The following IL17REL variants were observed in gnomAD, a reference collection of about 807,000 sequenced individuals.
IL17REL encodes interleukin-17 receptor E-like protein.
IL17REL carries 36 observed loss-of-function variants against 49.0 expected under a neutral mutation model. The observed-to-expected ratio is 0.73, with a 90% CI of 0.56 to 0.97. The LOEUF is 0.97. IL17REL is among the 50% of genes least tolerant of loss of function. The probability of loss-of-function intolerance (pLI) is 0.00; values close to 1 mark genes in which losing one functional copy is unlikely to be tolerated. For missense variants in IL17REL, 470 were observed against 453.9 expected (o/e 1.04, Z -0.32); for synonymous variants, 206 against 192.4 (o/e 1.07, Z -0.58).
chr22:50,001,196 CG>C, exon 2 of IL17REL: 2 of 1,574,304 alleles, frequency 1.3e-6, no homozygotes, highest in Non-Finnish European at 1.7e-6. Flanking sequence ...GACATGGACA[CG>C]GGGCGTGGCC....
intron 1 of IL17REL, among the ~76,000 whole-genome samples, chr22:50,006,563 G>T (rs2061111572): frequency 6.6e-6 from 1 of 152,124 alleles, no homozygotes; most frequent in South Asian, 2.1e-4. Context: ...CAGGCAGCAG[G>T]AAAGGCTGTG....
chr22:49,999,824 T>C lies in IL17REL; in HGVS notation c.474+4A>G, dbSNP rs2061066731. On this transcript the variant is annotated splice_donor_region_variant and intron_variant, in intron 5 of 12. Transcript: ENST00000341280. ...TGACCGGGGCCCGGGGCGCGGGCGC[T>C]CACTCGCACAGGGGCGCCGGCGTCC... The C allele has an allele frequency of 6.7e-7, 1 of 1,498,766 alleles. No homozygotes were observed. The highest frequency in any genetic ancestry group is 8.9e-7 in the Non-Finnish European group (1 of 1,123,392). The allele number at this position is 1,498,766 out of a possible 1,614,324, so 92.8% of individuals were successfully genotyped here.
chr22:49,998,100 C>G (rs773275735), intron 8 of IL17REL, 31 bp from the exon 11 acceptor site: 28 of 1,590,766 alleles, frequency 1.8e-5, no homozygotes, highest in Non-Finnish European at 2.3e-5. Flanking sequence ...GCTGTGGCAT[C>G]CATGCCCACC....
chr22:49,997,279 C>G (rs2061041359), intron 11 of IL17REL, 41 bp downstream of exon 13: 2 of 1,585,036 alleles, frequency 1.3e-6, no homozygotes, highest in African/African-American at 2.7e-5. Context: ...GCCGCCACCA[C>G]CCCCACCTCC....
intron 3 of IL17REL, 49 bp from the exon 5 acceptor site, chr22:50,000,641 C>T: frequency 6.4e-7 from 1 of 1,565,778 alleles, no homozygotes; most frequent in Non-Finnish European, 8.8e-7. Context: ...CACTGCCCAC[C>T]CCACCCGGCC....
At chr22:50,001,982 C>G (rs547501470) in intron 1 of IL17REL, among the ~76,000 whole-genome samples, 1 of 152,342 alleles carries the variant, frequency 6.6e-6, no homozygotes, top group African/African-American at 2.4e-5. Flanking sequence ...ACACTGAACA[C>G]AGCACCCTGC....
At chr22:49,998,235 CGGG>C in exon 8 of IL17REL, 1 of 1,612,520 alleles carries the variant, frequency 6.2e-7, no homozygotes, top group Non-Finnish European at 8.5e-7. Context: ...ACAGGGCAGG[CGGG>C]CTCCCAGCTC....
chr22:49,993,960 T>A (rs2061018797), downstream of IL17REL, among the ~76,000 whole-genome samples: 1 of 152,056 alleles, frequency 6.6e-6, no homozygotes, highest in Admixed American at 6.5e-5. This position sits in a 1 kb window ranked among gnomAD's most constrained non-coding sequence, Gnocchi z 6.0. Flanking sequence ...AGAGGAGACA[T>A]GGAGAGAGCA....
exon 4 of IL17REL, chr22:50,000,548 G>A (rs2061071863): frequency 6.2e-7 from 1 of 1,613,480 alleles, no homozygotes; most frequent in African/African-American, 1.3e-5. Flanking sequence ...TGACATAGAG[G>A]TGCTGGGCCA....
At chr22:50,000,165 C>T (rs59992738) in intron 4 of IL17REL, among the ~76,000 whole-genome samples, 31 bp downstream of exon 6, 5,768 of 152,336 alleles carry the variant, frequency 0.038, 255 homozygotes, top group African/African-American at 0.099. Flanking sequence ...GTCTGAGGGT[C>T]TTCGCAGGGG....
At chr22:50,008,006 A>T (rs1186573431) in intron 1 of IL17REL, among the ~76,000 whole-genome samples, 1 of 152,162 alleles carries the variant, frequency 6.6e-6, no homozygotes, top group African/African-American at 2.4e-5. Context: ...TGGGAGGCCG[A>T]GGCAGGAGGA....
chr22:49,997,661 G>A, intron 10 of IL17REL, 24 bp downstream of exon 12: 1 of 1,606,918 alleles, frequency 6.2e-7, no homozygotes, highest in Non-Finnish European at 8.5e-7. Context: ...CGTCCACATT[G>A]CGTAGGCCTC....
intron 1 of IL17REL, among the ~76,000 whole-genome samples, chr22:50,005,600 G>A (rs1026690843): frequency 1.3e-5 from 2 of 152,026 alleles, no homozygotes; most frequent in Admixed American, 6.6e-5. Flanking sequence ...TCAGGAGTTC[G>A]AGACCAGCCT....
intron 1 of IL17REL, among the ~76,000 whole-genome samples, chr22:50,003,507 G>A (rs1292852554): frequency 5.8e-5 from 7 of 120,262 alleles, no homozygotes; most frequent in African/African-American, 2.2e-4. Flanking sequence ...GAGACAGAGT[G>A]AGACTCCATC....
At chr22:49,998,375 C>G in intron 7 of IL17REL, 66 bp from the exon 10 acceptor site, 1 of 1,466,636 alleles carries the variant, frequency 6.8e-7, no homozygotes, top group Non-Finnish European at 9.2e-7. Flanking sequence ...CCCATGGGGT[C>G]TAGCACCCAC....
upstream of IL17REL, among the ~76,000 whole-genome samples, chr22:50,009,393 C>T (rs1002251832): frequency 1.3e-5 from 2 of 152,162 alleles, no homozygotes; most frequent in Non-Finnish European, 2.9e-5. Flanking sequence ...ACAGGCTGCT[C>T]GCAGACAGCC....
intron 5 of IL17REL, 27 bp downstream of exon 7, chr22:49,999,801 A>T (rs1271868201): frequency 2.0e-5 from 29 of 1,476,292 alleles, no homozygotes; most frequent in Non-Finnish European, 2.5e-5. Context: ...CCTAAGGCTG[A>T]CCGGGGCCCG....
At chr22:49,997,332 G>C (rs777439295) in exon 11 of IL17REL, 1 of 1,613,604 alleles carries the variant, frequency 6.2e-7, no homozygotes, top group Admixed American at 1.7e-5. Context: ...AGGCTGAAGG[G>C]AGCGGGCTGG....
At chr22:50,005,934 G>A (rs1287489139) in intron 1 of IL17REL, among the ~76,000 whole-genome samples, 3 of 152,018 alleles carry the variant, frequency 2.0e-5, no homozygotes, top group Non-Finnish European at 4.4e-5. Context: ...TACCAATTGG[G>A]CTGGAGAAAA....
Sources: gnomAD v4.1 joint callset for allele counts (sites outside exome capture counted in the v4.1 genomes callset) on GRCh38, gnomAD v4.1.1 for gene constraint, Gnocchi (gnomAD v3.1) non-coding constraint, MANE v1.5 for transcripts, NCBI Gene and HGNC (gene_info 2026-07-23, HGNC 2026-07-21) for gene names.